SLC25A13: variants seen among roughly 807,000 people sequenced by gnomAD.
The protein encoded by SLC25A13 is solute carrier family 25 member 13.
SLC25A13 carries 70 observed loss-of-function variants against 85.5 expected under a neutral mutation model. The ratio of observed to expected loss-of-function variants is 0.82; its 90% CI spans 0.68 to 1.00. SLC25A13 has a LOEUF of 1.00. SLC25A13 is among the 50% of genes least tolerant of loss of function. The probability of loss-of-function intolerance (pLI) is 0.00; values close to 1 mark genes in which losing one functional copy is unlikely to be tolerated. For synonymous variants in SLC25A13, 259 were observed against 288.7 expected (o/e 0.90, Z 1.04); for missense variants, 765 against 819.8 (o/e 0.93, Z 0.82).
At chr7:96,203,928 T>C (rs1423164181) in intron 5 of SLC25A13, among the ~76,000 whole-genome samples, 1 of 152,154 alleles carries the variant, frequency 6.6e-6, no homozygotes, top group Non-Finnish European at 1.5e-5. Flanking sequence ...AAAATAGCTG[T>C]CTATAGCCTT....
At position 96,209,357 on chromosome 7, in the gene SLC25A13, C is replaced by CACACACAT. The variant is rs1353067545; in HGVS notation, c.329-381_329-380insATGTGTGT. Among the ~76,000 whole-genome samples, 4 of 149,252 alleles carry CACACACAT rather than the reference C, an allele frequency of 2.7e-5. No individual in the cohort carries two copies. The East Asian group carries it at 7.8e-4, about 29-fold the overall frequency. The stretch of plus-strand genomic sequence containing the variant: ...TCTTAGTGGCAGGAAAACACATACA[C>CACACACAT]ACACACACACACACACACACACACA... On this transcript the variant is annotated intron_variant, in intron 4 of 17. Transcript: ENST00000265631.
At chr7:96,263,044 A>C (rs1797918214) in intron 3 of SLC25A13, among the ~76,000 whole-genome samples, 1 of 151,144 alleles carries the variant, frequency 6.6e-6, no homozygotes, top group Non-Finnish European at 1.5e-5. Context: ...AAAAAAAAAA[A>C]ACAGCAGAGC....
At chr7:96,290,019 G>C (rs1042436124) in intron 2 of SLC25A13, among the ~76,000 whole-genome samples, 2 of 152,208 alleles carry the variant, frequency 1.3e-5, no homozygotes, top group East Asian at 3.9e-4. Context: ...GAGAAAGGTC[G>C]GGTTACCCAC....
chr7:96,195,205 C>T (rs2116671571), intron 5 of SLC25A13, among the ~76,000 whole-genome samples: 1 of 152,258 alleles, frequency 6.6e-6, no homozygotes, highest in East Asian at 1.9e-4. Context: ...TATTGTAGAT[C>T]CCCCAACCCA....
intron 3 of SLC25A13, among the ~76,000 whole-genome samples, chr7:96,244,244 C>G (rs1036520485): frequency 6.6e-6 from 1 of 152,156 alleles, no homozygotes; most frequent in Non-Finnish European, 1.5e-5. Context: ...ATGGCAGTCA[C>G]AGGCACAGAC....
intron 13 of SLC25A13, among the ~76,000 whole-genome samples, chr7:96,150,367 G>C (rs1258130249): frequency 6.6e-6 from 1 of 151,994 alleles, no homozygotes; most frequent in Admixed American, 6.6e-5. Flanking sequence ...CTATTATGGG[G>C]TATTAAGGTG....
Position 96,307,494 on chromosome 7 carries a change from G to A in SLC25A13, c.16-10543C>T, listed in dbSNP as rs569638782. 1.6e-4 allele frequency among the ~76,000 whole-genome samples: 24 copies of A among 151,580 alleles called. No homozygotes were observed. In the South Asian group the frequency reaches 2.3e-3, roughly 14 times the overall value. On this transcript the variant is annotated intron_variant, in intron 1 of 17. Transcript: ENST00000265631. The stretch of plus-strand genomic sequence containing the variant: ...GGTGGGAGGACTGTTGGTTGAGACC[G>A]CAGTGAGCCATAATCGCGCCACTGC...
chr7:96,156,947 A>G (rs1335841758), intron 13 of SLC25A13, among the ~76,000 whole-genome samples: 4 of 152,192 alleles, frequency 2.6e-5, no homozygotes, highest in Non-Finnish European at 5.9e-5. Flanking sequence ...TTTTGTCTAA[A>G]TATAGCATAG....
At chr7:96,282,969 T>C (rs971924975) in intron 2 of SLC25A13, among the ~76,000 whole-genome samples, 36 of 152,154 alleles carry the variant, frequency 2.4e-4, no homozygotes, top group Non-Finnish European at 1.5e-5. Context: ...CATAATAATC[T>C]GAGTTGATAT....
chr7:96,144,227 TG>T (rs1417060118), intron 14 of SLC25A13, among the ~76,000 whole-genome samples: 1 of 152,006 alleles, frequency 6.6e-6, no homozygotes, highest in East Asian at 1.9e-4. Flanking sequence ...CAAGACAGAA[TG>T]CTGGGAATAT....
At chr7:96,195,315 A>C (rs1795017930) in intron 5 of SLC25A13, among the ~76,000 whole-genome samples, 1 of 152,142 alleles carries the variant, frequency 6.6e-6, no homozygotes, top group African/African-American at 2.4e-5. Flanking sequence ...TGAATTGTTC[A>C]AGCTTCCTTT....
chr7:96,319,331 G>A (rs903517860), intron 1 of SLC25A13, among the ~76,000 whole-genome samples: 5 of 152,130 alleles, frequency 3.3e-5, no homozygotes, highest in Admixed American at 1.3e-4. Context: ...GGCAGATCAC[G>A]AGGTCAAGAG....
intron 14 of SLC25A13, among the ~76,000 whole-genome samples, chr7:96,139,341 G>A (rs116451541): frequency 0.015 from 2,231 of 152,006 alleles, 57 homozygotes; most frequent in African/African-American, 0.051. Context: ...CAACAAACCC[G>A]CACATGTTCC....
intron 3 of SLC25A13, among the ~76,000 whole-genome samples, chr7:96,239,855 C>T (rs1254903743): frequency 6.6e-6 from 1 of 152,124 alleles, no homozygotes; most frequent in Non-Finnish European, 1.5e-5. Flanking sequence ...ATAACAGTAG[C>T]GACTTTGTAA....
intron 13 of SLC25A13, among the ~76,000 whole-genome samples, chr7:96,168,933 T>C (rs922542065): frequency 2.0e-5 from 3 of 152,248 alleles, no homozygotes; most frequent in South Asian, 2.1e-4. Context: ...CTTCTAAAAT[T>C]CTCTTTGATT....
chr7:96,312,068 A>C (rs1269215591), intron 1 of SLC25A13, among the ~76,000 whole-genome samples: 1 of 152,200 alleles, frequency 6.6e-6, no homozygotes. Flanking sequence ...AAAGAGTTTA[A>C]ATTTTATTCT....
intron 1 of SLC25A13, among the ~76,000 whole-genome samples, chr7:96,300,964 T>C (rs1159076526): frequency 6.6e-6 from 1 of 152,238 alleles, no homozygotes; most frequent in Non-Finnish European, 1.5e-5. Context: ...TGTCATTTGC[T>C]ATGAATGAAG....
intron 5 of SLC25A13, among the ~76,000 whole-genome samples, chr7:96,196,829 T>C (rs1284632797): frequency 6.6e-6 from 1 of 152,218 alleles, no homozygotes; most frequent in Non-Finnish European, 1.5e-5. Context: ...GAAGATCATC[T>C]GTTTATGTCG....
At chr7:96,128,567 A>G (rs994257111) in intron 15 of SLC25A13, among the ~76,000 whole-genome samples, 19 of 152,154 alleles carry the variant, frequency 1.2e-4, no homozygotes, top group Middle Eastern at 3.2e-3. Flanking sequence ...CCATTTTACC[A>G]GAAACGGGGG....
Sources: allele counts gnomAD v4.1 joint callset (sites outside exome capture counted in the v4.1 genomes callset), GRCh38; gene constraint gnomAD v4.1.1; transcripts MANE v1.5; gene names NCBI Gene and HGNC (gene_info 2026-07-23, HGNC 2026-07-21).